SLC30A8: variants seen among roughly 807,000 people sequenced by gnomAD.
SLC30A8 encodes solute carrier family 30 member 8.
SLC30A8 carries 27 observed loss-of-function variants against 36.9 expected under a neutral mutation model. The observed-to-expected ratio is 0.73, with a 90% CI of 0.54 to 1.01. The LOEUF is 1.01. SLC30A8 is among the 50% of genes least tolerant of loss of function. SLC30A8 has a pLI of 0.00. For missense variants in SLC30A8, 439 were observed against 452.0 expected (o/e 0.97, Z 0.26); for synonymous variants, 164 against 172.4 (o/e 0.95, Z 0.38).
At chr8:117,138,819 T>C (rs911842005) in intron 1 of SLC30A8, among the ~76,000 whole-genome samples, 2 of 152,040 alleles carry the variant, frequency 1.3e-5, no homozygotes, top group African/African-American at 4.8e-5. Context: ...AGTAGGTCAC[T>C]GTCTCTTCTG....
rs186297122 is a variant in SLC30A8, at chr8:117,093,677, A to G, written c.-225-41603A>G. On this transcript the variant is annotated intron_variant, in intron 2 of 10. Transcript: ENST00000427715. ...TAACTCATTAGTAACACTACTAACC[A>G]GAGTTACTGTCATGGGATTTTTGGG... Among the ~76,000 whole-genome samples, 3 of 152,286 alleles carry G rather than the reference A, an allele frequency of 2.0e-5. No individual in the cohort carries two copies. In the East Asian group the frequency reaches 5.8e-4, roughly 30 times the overall value.
intron 1 of SLC30A8, among the ~76,000 whole-genome samples, chr8:117,003,883 C>T (rs1816091628): frequency 6.6e-6 from 1 of 152,176 alleles, no homozygotes; most frequent in Non-Finnish European, 1.5e-5. Flanking sequence ...TTATTATCCT[C>T]TACAAGTCTT....
chr8:117,015,636 C>T (rs142285053), intron 1 of SLC30A8, among the ~76,000 whole-genome samples: 8 of 152,170 alleles, frequency 5.3e-5, no homozygotes, highest in Non-Finnish European at 7.4e-5. Context: ...CTGCACAGAA[C>T]GCTTTCCCAC....
At position 117,007,484 on chromosome 8, in the gene SLC30A8, G is replaced by C. The variant is rs1038881138; in HGVS notation, c.-265-31735G>C. Among the ~76,000 whole-genome samples, 4 of 152,288 alleles carry C rather than the reference G, an allele frequency of 2.6e-5. No individual in the cohort carries two copies. The East Asian group carries it at 7.7e-4, about 29-fold the overall frequency. ...ATTCTGGATTTTTGCTTGGAGGCAG[G>C]TGAAGAAAGTGATTTTAGTATTCCT... is the stretch of plus-strand genomic sequence containing the variant. On this transcript the variant is annotated intron_variant, in intron 1 of 10. Transcript: ENST00000427715.
intron 2 of SLC30A8, among the ~76,000 whole-genome samples, chr8:117,045,603 C>T (rs964735973): frequency 6.6e-5 from 10 of 152,106 alleles, no homozygotes; most frequent in African/African-American, 9.7e-5. Flanking sequence ...ACAGAGGCCA[C>T]GGGCTCCCAC....
At chr8:117,050,349 G>A (rs145630070) in intron 2 of SLC30A8, among the ~76,000 whole-genome samples, 24 of 152,142 alleles carry the variant, frequency 1.6e-4, no homozygotes, top group African/African-American at 4.6e-4. Context: ...ATGAGGGGGA[G>A]CAAGAGCTTG....
At chr8:117,130,527 A>G (rs1172189428), upstream of SLC30A8, among the ~76,000 whole-genome samples, 1 of 151,952 alleles carries the variant, frequency 6.6e-6, no homozygotes, top group Non-Finnish European at 1.5e-5. Flanking sequence ...CTCTATTATT[A>G]TTATTATTAT....
At chr8:117,133,960 A>G (rs966631853), upstream of SLC30A8, among the ~76,000 whole-genome samples, 1 of 151,942 alleles carries the variant, frequency 6.6e-6, no homozygotes, top group African/African-American at 2.4e-5. Context: ...CTTAGAATTT[A>G]TGTTATAGAT....
intron 2 of SLC30A8, among the ~76,000 whole-genome samples, chr8:117,079,968 C>G (rs1031812210): frequency 2.6e-5 from 4 of 152,144 alleles, no homozygotes; most frequent in Non-Finnish European, 5.9e-5. Context: ...CGTGTTTGTT[C>G]CAGGCCCTCT....
chr8:117,076,749 G>A (rs528990276), intron 2 of SLC30A8, among the ~76,000 whole-genome samples: 2 of 151,200 alleles, frequency 1.3e-5, no homozygotes, highest in Non-Finnish European at 3.0e-5. Flanking sequence ...TGATTTCTTC[G>A]AGGAGAGGGG....
chr8:117,093,965 C>T (rs182560572), intron 2 of SLC30A8, among the ~76,000 whole-genome samples: 571 of 152,332 alleles, frequency 3.7e-3, no homozygotes, highest in African/African-American at 0.013. Context: ...CCAGCACTGG[C>T]GCTGGCTCCC....
rs1275019202 is a variant in SLC30A8 at position 116,986,756 on chromosome 8, A to G, written c.-266+35637A>G. Among the ~76,000 whole-genome samples, 3 of 152,122 alleles carry G rather than the reference A, an allele frequency of 2.0e-5. No individual in the cohort carries two copies. In the East Asian group the frequency reaches 5.8e-4, roughly 29 times the overall value. ...ACTCCGAGGTTTTGTAACTAGGCAG[A>G]TGGCTTGAAGTGGATTTTCACTGCA... On this transcript the variant is annotated intron_variant, in intron 1 of 10. Coordinates refer to the SLC30A8 transcript ENST00000427715.
intron 1 of SLC30A8, among the ~76,000 whole-genome samples, chr8:117,140,477 AT>A (rs1403483624): frequency 6.6e-6 from 1 of 152,062 alleles, no homozygotes; most frequent in African/African-American, 2.4e-5. Context: ...CAAAACACAA[AT>A]AAAAAACCTT....
At chr8:116,965,836 ATCT>A (rs1247102168) in intron 1 of SLC30A8, among the ~76,000 whole-genome samples, 5 of 151,258 alleles carry the variant, frequency 3.3e-5, no homozygotes, top group South Asian at 4.2e-4. Context: ...CTACTCTAAA[ATCT>A]TCTTGCTAGA....
chr8:116,985,863 G>A (rs73312242), intron 1 of SLC30A8, among the ~76,000 whole-genome samples: 7,901 of 152,124 alleles, frequency 0.052, 680 homozygotes, highest in African/African-American at 0.18. Flanking sequence ...TATGTGTGTC[G>A]TAAGAAAGTT....
intron 1 of SLC30A8, among the ~76,000 whole-genome samples, chr8:117,019,358 A>C (rs1319113313): frequency 6.6e-6 from 1 of 152,204 alleles, no homozygotes; most frequent in Non-Finnish European, 1.5e-5. Flanking sequence ...TCACAATTTC[A>C]TACAAAAATA....
At chr8:117,063,809 C>T (rs568118027) in intron 2 of SLC30A8, among the ~76,000 whole-genome samples, 2 of 152,214 alleles carry the variant, frequency 1.3e-5, no homozygotes, top group South Asian at 4.1e-4. Flanking sequence ...AGTTGAGACA[C>T]ATTTGACATG....
At chr8:117,005,420 C>A (rs533659794) in intron 1 of SLC30A8, among the ~76,000 whole-genome samples, 2 of 152,152 alleles carry the variant, frequency 1.3e-5, no homozygotes, top group Non-Finnish European at 1.5e-5. Context: ...ATTTTTATTG[C>A]GGACCAATAT....
At chr8:117,095,354 T>A (rs1819311630) in intron 2 of SLC30A8, among the ~76,000 whole-genome samples, 1 of 152,184 alleles carries the variant, frequency 6.6e-6, no homozygotes, top group African/African-American at 2.4e-5. Context: ...TTACTAGCAT[T>A]ACTAGTTAGT....
Sources: gnomAD v4.1 joint callset for allele counts (sites outside exome capture counted in the v4.1 genomes callset) on GRCh38, gnomAD v4.1.1 for gene constraint, MANE v1.5 for transcripts, NCBI Gene and HGNC (gene_info 2026-07-23, HGNC 2026-07-21) for gene names.